The following ABCC8 variants were observed in gnomAD, a reference collection of about 807,000 sequenced individuals.
ABCC8 encodes the protein ATP binding cassette subfamily C member 8.
Under a neutral mutation model 188.0 loss-of-function variants are expected in ABCC8, and 137 were observed. The observed-to-expected ratio is 0.73, with a 90% CI of 0.63 to 0.84. ABCC8 has a LOEUF of 0.84. Ranked by LOEUF, ABCC8 falls within the 40% of genes least tolerant of loss-of-function variation. The pLI, the probability that ABCC8 is intolerant of heterozygous loss-of-function variation, is 0.00. For missense variants in ABCC8, 1,750 were observed against 2,072.7 expected (o/e 0.84, Z 3.02); for synonymous variants, 797 against 846.5 (o/e 0.94, Z 1.01).
rs1054629799 is a variant in ABCC8 at position 17,406,681 on chromosome 11, C to T, written c.3270G>A (p.Leu1090=). 6 of 1,614,238 alleles carry T rather than the reference C, an allele frequency of 3.7e-6. No homozygotes were observed. The highest frequency in any genetic ancestry group is 5.1e-6 in the Non-Finnish European group (6 of 1,180,048). ...VTSVTVEWTG[L]KVAKRLHRSL... ...TGCGGTGCAGTCTCTTGGCCACCTT[C>T]AGCCCTGTCCACTCCACAGTGACAG... The change falls in exon 26 of 39, where the codon CTG becomes CTA. Residue 1090 remains leucine (L), a synonymous_variant. Transcript: ENST00000389817.
At chr11:17,407,330 C>A in intron 24 of ABCC8, 24 bp downstream of exon 24, 4 of 1,614,210 alleles carry the variant, frequency 2.5e-6, no homozygotes, top group Non-Finnish European at 3.4e-6. Flanking sequence ...GCCATAATTT[C>A]ACTCCCAGTC....
rs1954387254 is a variant in ABCC8 at position 17,404,168 on chromosome 11, A to G, written c.3557+344T>C. 6.6e-6 allele frequency among the ~76,000 whole-genome samples: 1 copy of G among 152,216 alleles called. No homozygotes were observed. Among genetic ancestry groups the G allele is most frequent in the East Asian group, 1.9e-4 (1 of 5,196 alleles). The stretch of plus-strand genomic sequence containing the variant: ...GTGCCCGCCGATTTCATGCATCAGC[A>G]ATCAGCCTGACCACTAGAATGATGC... On this transcript the variant is annotated intron_variant, in intron 28 of 38. Coordinates refer to ENST00000389817, the MANE Select transcript of ABCC8 (RefSeq NM_000352.6). The surrounding 1 kb of genome is among the most constrained non-coding windows in gnomAD (Gnocchi z 4.7).
intron 10 of ABCC8, chr11:17,432,455 G>T (rs1309083092): frequency 1.9e-6 from 2 of 1,027,760 alleles, no homozygotes; most frequent in Non-Finnish European, 2.8e-6. Flanking sequence ...CCCGGCCCCC[G>T]ACTCTGGGGC....
rs1230880108 is a variant in ABCC8, at chr11:17,395,158, C to T, written c.4411+14G>A. The stretch of plus-strand genomic sequence containing the variant: ...GTGCCCAACCAACCCAGCTGCATAG[C>T]CAGGAGTAGTTACCGAGGCCTCCTG... On this transcript the variant is annotated intron_variant, in intron 36 of 38. Transcript: ENST00000389817. 1 of 1,561,084 alleles carries T rather than the reference C, an allele frequency of 6.4e-7. No individual in the cohort carries two copies. The highest frequency in any genetic ancestry group is 1.4e-5 in the African/African-American group (1 of 73,704).
chr11:17,413,599 C>T (rs996796155), intron 19 of ABCC8, 121 bp from the exon 20 acceptor site: 3 of 1,595,436 alleles, frequency 1.9e-6, no homozygotes, highest in South Asian at 1.1e-5. Context: ...CTTTAATAGG[C>T]CTCCCGCTTG....
At chr11:17,430,546 GGTT>G (rs1283602906) in intron 12 of ABCC8, 31 of 444,676 alleles carry the variant, frequency 7.0e-5, no homozygotes, top group South Asian at 1.0e-4. Flanking sequence ...GCTCAACACT[GGTT>G]TTTTTTTTTT....
At chr11:17,460,726 G>T (rs747248685) in intron 5 of ABCC8, 50 bp from the exon 6 acceptor site, 4 of 1,598,934 alleles carry the variant, frequency 2.5e-6, no homozygotes, top group Non-Finnish European at 3.4e-6. Flanking sequence ...GCTAATTCAC[G>T]GCTGGGCCTA....
At chr11:17,430,755 G>GC in intron 12 of ABCC8, 59 bp downstream of exon 12, 1 of 1,570,492 alleles carries the variant, frequency 6.4e-7, no homozygotes, top group Non-Finnish European at 8.8e-7. Context: ...ACTCGAGCAA[G>GC]CCTTGAGGCT....
chr11:17,459,575 A>T (rs1957112096), intron 6 of ABCC8, among the ~76,000 whole-genome samples: 1 of 152,228 alleles, frequency 6.6e-6, no homozygotes, highest in Admixed American at 6.5e-5. Context: ...ATAAATTATT[A>T]AAAACCCTAA....
chr11:17,395,047 TA>T, intron 36 of ABCC8, 124 bp downstream of exon 36: 1 of 1,263,256 alleles, frequency 7.9e-7, no homozygotes. Context: ...GAAGTAGGAC[TA>T]AATGGTCCTG....
intron 22 of ABCC8, chr11:17,410,295 G>T: frequency 1.8e-6 from 1 of 553,198 alleles, no homozygotes; most frequent in South Asian, 2.4e-5. Context: ...GGGGGCCCGG[G>T]CCAGGATGGG....
intron 30 of ABCC8, among the ~76,000 whole-genome samples, 193 bp downstream of exon 30, chr11:17,398,146 C>T (rs1954042196): frequency 6.6e-6 from 1 of 152,210 alleles, no homozygotes; most frequent in Non-Finnish European, 1.5e-5. Context: ...ATACACAAGC[C>T]TCCAGGCAGT....
Position 17,427,073 on chromosome 11 carries a change from A to G in ABCC8, c.2198T>C (p.Val733Ala), listed in dbSNP as rs1183177852. Residue 733 changes from valine (V) to alanine (A), a missense_variant, in exon 16 of 39, where the codon GTC (valine) becomes GCC (alanine). Coordinates refer to ENST00000389817, the MANE Select transcript of ABCC8 (RefSeq NM_000352.6). This position sits in a 1 kb window ranked among gnomAD's most constrained non-coding sequence, Gnocchi z 5.0. ...LLAALGEMQK[V>A]SGAVFWSSLP... Reference sequence around the variant, plus strand: ...CCTGCTCCAGAAGACAGCCCCTGAGACCTTCTGCATCTCCCCCAGTGCGGC... The same window carrying G: ...CCTGCTCCAGAAGACAGCCCCTGAGGCCTTCTGCATCTCCCCCAGTGCGGC... 1.9e-6 allele frequency: 3 copies of G among 1,613,904 alleles called. No individual in the cohort carries two copies. Among genetic ancestry groups the G allele is most frequent in the Non-Finnish European group, 2.5e-6 (3 of 1,179,930 alleles).
chr11:17,394,159 A>T (rs1953779288), intron 37 of ABCC8, 107 bp downstream of exon 37: 1 of 1,396,090 alleles, frequency 7.2e-7, no homozygotes, highest in Non-Finnish European at 1.0e-6. Flanking sequence ...ATAGCATTTG[A>T]TGTTAGAGGC....
At chr11:17,414,792 G>C in intron 18 of ABCC8, 182 bp from the exon 19 acceptor site, 2 of 725,874 alleles carry the variant, frequency 2.8e-6, no homozygotes, top group Non-Finnish European at 3.4e-6. Flanking sequence ...TGAGAGGTCT[G>C]GGTCTCAACT....
chr11:17,450,242 CTT>C (rs1261824416), intron 7 of ABCC8, among the ~76,000 whole-genome samples: 7 of 52,590 alleles, frequency 1.3e-4, no homozygotes, highest in African/African-American at 7.6e-4. Context: ...CCTTTCTTTT[CTT>C]TTTCTTTCTT....
chr11:17,430,779 C>T (rs766669185), intron 12 of ABCC8, 35 bp downstream of exon 12: 2 of 1,606,624 alleles, frequency 1.2e-6, no homozygotes, highest in East Asian at 2.2e-5. Context: ...ACAGGACCTG[C>T]CTGCCCAGTG....
Position 17,453,192 on chromosome 11 carries a change from A to G in ABCC8, c.1103T>C (p.Leu368Pro), listed in dbSNP as rs1275259741. 1 of 1,614,144 alleles carries G rather than the reference A, an allele frequency of 6.2e-7. No homozygotes were observed. The highest frequency in any genetic ancestry group is 1.1e-5 in the South Asian group (1 of 91,072). ...GGATGCTTGCAGAAATGTCCTTTGC[A>G]GTAGGAGGGCAAGGAACAGAAGCAC... ...LAVLLFLALL[L>P]QRTFLQASYY... The change falls in exon 7 of 39, where the codon CTG becomes CCG. Residue 368 changes from leucine to proline, a missense_variant. Transcript: ENST00000389817.
Position 17,435,828 on chromosome 11 carries a change from A to G in ABCC8, c.1631-3584T>C, listed in dbSNP as rs116898823. The G allele has an allele frequency of 3.1e-3, 3,922 of 1,256,598 alleles. 6 individuals carry two copies. Among genetic ancestry groups the G allele is most frequent in the Non-Finnish European group, 4.0e-3 (3,393 of 854,672 alleles). The allele number at this position is 1,256,598 out of a possible 1,614,324, so 77.8% of individuals were successfully genotyped here. ...GATACATGAGAGGGAAGATGAGTGC[A>G]AACTTAGCTGTGTGGATCAGTGCTG... On this transcript the variant is annotated intron_variant, in intron 10 of 38. Coordinates refer to ENST00000389817, the MANE Select transcript of ABCC8 (RefSeq NM_000352.6).
Sources: allele counts gnomAD v4.1 joint callset (sites outside exome capture counted in the v4.1 genomes callset), GRCh38; gene constraint gnomAD v4.1.1; non-coding constraint Gnocchi (gnomAD v3.1); transcripts MANE v1.5; gene names NCBI Gene and HGNC (gene_info 2026-07-23, HGNC 2026-07-21).